PLCH1: variants seen among roughly 807,000 people sequenced by gnomAD.
The protein encoded by PLCH1 is phospholipase C eta 1, also known as 1-phosphatidylinositol 4,5-bisphosphate phosphodiesterase eta-1.
A neutral mutation model predicts 126.7 loss-of-function variants in PLCH1; 60 were observed. The observed-to-expected ratio is 0.47, with a 90% confidence interval of 0.38 to 0.59. The LOEUF (loss-of-function observed/expected upper bound fraction) is 0.59. Ranked by LOEUF, PLCH1 falls within the 20% of genes least tolerant of loss-of-function variation. PLCH1 has a pLI of 0.00. For synonymous variants in PLCH1, 719 were observed against 734.9 expected (o/e 0.98, Z 0.35); for missense variants, 1,723 against 2,040.0 (o/e 0.84, Z 2.99).
intron 10 of PLCH1, among the ~76,000 whole-genome samples, chr3:155,537,197 A>AC (rs1723491135): frequency 4.4e-5 from 2 of 45,184 alleles, no homozygotes; most frequent in African/African-American, 1.8e-4. Flanking sequence ...AAAAAAAAAA[A>AC]AAACCAAAAA....
At position 155,733,934 on chromosome 3, in the gene PLCH1, CATATATATATATATAT is replaced by C. The variant is rs35149793; in HGVS notation, c.-41+10890_-41+10905del. Among the ~76,000 whole-genome samples the C allele has an allele frequency of 6.4e-4, 63 of 98,170 alleles. 1 individual carries two copies. The highest frequency in any genetic ancestry group is 3.2e-3 in the South Asian group (9 of 2,852). The allele number at this position is 98,170 out of a possible 152,430, so 64.4% of individuals were successfully genotyped here. A position where few individuals can be genotyped will look rare whatever the true frequency, so the allele number is the denominator to read the frequency against. On this transcript the variant is annotated intron_variant, in intron 1 of 22. Coordinates refer to ENST00000460012, the MANE Select transcript of PLCH1 (RefSeq NM_014996.4). ...AACATACAAATGGCCAACAGGTATA[CATATATATATATATAT>C]ATATATATATATATATATATATATA...
At chr3:155,714,887 G>A (rs1025124071) in intron 1 of PLCH1, among the ~76,000 whole-genome samples, 3 of 152,088 alleles carry the variant, frequency 2.0e-5, no homozygotes, top group African/African-American at 4.8e-5. Flanking sequence ...CTTTTATATC[G>A]AAGTTATCAT....
intron 12 of PLCH1, among the ~76,000 whole-genome samples, chr3:155,506,046 G>T (rs543871282): frequency 6.6e-6 from 1 of 152,202 alleles, no homozygotes; most frequent in East Asian, 1.9e-4. Context: ...CAGGTATAAA[G>T]CACGGCTGTC....
intron 10 of PLCH1, among the ~76,000 whole-genome samples, chr3:155,536,850 A>C (rs1723420852): frequency 2.0e-5 from 3 of 152,142 alleles, no homozygotes; most frequent in African/African-American, 7.2e-5. Context: ...TCACAAAAAG[A>C]TCATCACCTA....
At chr3:155,474,389 A>G (rs1246093525) in intron 21 of PLCH1, among the ~76,000 whole-genome samples, 2 of 150,102 alleles carry the variant, frequency 1.3e-5, no homozygotes, top group Non-Finnish European at 2.9e-5. Flanking sequence ...ACTATCTCAC[A>G]CCAGTTAGAA....
At chr3:155,558,414 C>T (rs924289809) in intron 8 of PLCH1, among the ~76,000 whole-genome samples, 24 of 152,256 alleles carry the variant, frequency 1.6e-4, no homozygotes, top group South Asian at 1.2e-3. Context: ...CCTTTATCCT[C>T]GGGAGATAAA....
At chr3:155,461,961 T>C (rs1436441226) in intron 21 of PLCH1, among the ~76,000 whole-genome samples, 1 of 152,214 alleles carries the variant, frequency 6.6e-6, no homozygotes, top group African/African-American at 2.4e-5. Flanking sequence ...AGGACCACCC[T>C]TCTCACAATT....
intron 2 of PLCH1, among the ~76,000 whole-genome samples, chr3:155,636,806 T>C (rs974007820): frequency 2.0e-5 from 3 of 152,074 alleles, no homozygotes; most frequent in Non-Finnish European, 4.4e-5. Context: ...TGCAAACTAT[T>C]TGTGATGAGT....
At chr3:155,563,973 G>C (rs888180805) in intron 8 of PLCH1, among the ~76,000 whole-genome samples, 5 of 151,926 alleles carry the variant, frequency 3.3e-5, no homozygotes, top group Admixed American at 1.3e-4. Flanking sequence ...GTCTCACTGT[G>C]TTGCTCAGAC....
chr3:155,618,769 C>T (rs147942134), intron 2 of PLCH1, among the ~76,000 whole-genome samples: 1 of 152,292 alleles, frequency 6.6e-6, no homozygotes, highest in Non-Finnish European at 1.5e-5. Flanking sequence ...CCTCAGCTTC[C>T]TGAGGAGCTT....
At chr3:155,644,625 A>AATAAAAAT (rs1739796660) in intron 2 of PLCH1, among the ~76,000 whole-genome samples, 1 of 152,134 alleles carries the variant, frequency 6.6e-6, no homozygotes, top group Non-Finnish European at 1.5e-5. Flanking sequence ...AAATAAATAA[A>AATAAAAAT]ATAAAAATAA....
chr3:155,469,845 A>G (rs940245426), intron 21 of PLCH1, among the ~76,000 whole-genome samples: 3 of 152,260 alleles, frequency 2.0e-5, no homozygotes, highest in South Asian at 4.2e-4. Flanking sequence ...GGGTATTCCA[A>G]TAGACCTGCA....
rs207463920 is a variant in PLCH1, at chr3:155,676,114, C to T, written c.79+28032G>A. On this transcript the variant is annotated intron_variant, in intron 2 of 22. Coordinates refer to ENST00000460012, the MANE Select transcript of PLCH1 (RefSeq NM_014996.4). ...CTAAAGGCAAAGCCTTTTCCTGATACACATTTCCAAAAAGGGTGGGGGGAA... is the reference window on the plus strand; with the variant it reads ...CTAAAGGCAAAGCCTTTTCCTGATATACATTTCCAAAAAGGGTGGGGGGAA... 3.6e-6 allele frequency: 5 copies of T among 1,406,226 alleles called. No individual in the cohort carries two copies. The South Asian group carries it at 8.7e-5, about 24-fold the overall frequency. The allele number at this position is 1,406,226 out of a possible 1,614,324, so 87.1% of individuals were successfully genotyped here. A position where few individuals can be genotyped will look rare whatever the true frequency, so the allele number is the denominator to read the frequency against.
intron 2 of PLCH1, among the ~76,000 whole-genome samples, chr3:155,681,722 CAAACACATG>C (rs1744554222): frequency 6.6e-6 from 1 of 152,186 alleles, no homozygotes; most frequent in African/African-American, 2.4e-5. Context: ...TGTAGCTATG[CAAACACATG>C]AAACCTCAAC....
At position 155,492,814 on chromosome 3, in the gene PLCH1, T is replaced by C. The variant is rs768396746; in HGVS notation, c.2222A>G (p.Asn741Ser). The change falls in exon 18 of 23, where the codon AAC (asparagine) becomes AGC (serine). Residue 741 changes from asparagine to serine, a missense_variant. Physicochemically the swap from Asn to Ser is conservative, Grantham distance 46. Transcript: ENST00000460012. ...NPFSGDPLPA[N>S]PKKQLILKVI... ...TTTCAGGATGAGCTGCTTTTTGGGG[T>C]TGGCAGGAAGAGGGTCACCAGAGAA... The C allele has an allele frequency of 2.5e-6, 4 of 1,604,750 alleles. No individual in the cohort carries two copies. The highest frequency in any genetic ancestry group is 3.4e-6 in the Non-Finnish European group (4 of 1,176,082).
intron 1 of PLCH1, among the ~76,000 whole-genome samples, chr3:155,711,609 T>C (rs182676251): frequency 1.3e-5 from 2 of 152,284 alleles, no homozygotes; most frequent in East Asian, 3.9e-4. Context: ...CCTCTAGAAA[T>C]AGCACCCCAG....
At chr3:155,678,203 C>T (rs1744243189) in intron 2 of PLCH1, among the ~76,000 whole-genome samples, 1 of 152,112 alleles carries the variant, frequency 6.6e-6, no homozygotes, top group African/African-American at 2.4e-5. Flanking sequence ...GTTTTTCATC[C>T]CTCTCACCTC....
In PLCH1 at chr3:155,480,688, C is replaced by T. The variant is rs528052164; in HGVS notation, c.*280G>A. 1.8e-5 allele frequency: 6 copies of T among 330,374 alleles called. No homozygotes were observed. Among genetic ancestry groups the T allele is most frequent in the Admixed American group, 4.5e-5 (1 of 22,438 alleles). The allele number at this position is 330,374 out of a possible 1,614,324, so 20.5% of individuals were successfully genotyped here. ...GGTGAAACACACACACATTATAACC[C>T]GAGCTGCTGAGGAGTTTCACATCTA... On this transcript the variant is annotated 3_prime_UTR_variant, in exon 23 of 23. Coordinates refer to ENST00000460012, the MANE Select transcript of PLCH1 (RefSeq NM_014996.4).
At chr3:155,610,116 T>G (rs898037299) in intron 2 of PLCH1, among the ~76,000 whole-genome samples, 10 of 152,064 alleles carry the variant, frequency 6.6e-5, no homozygotes, top group African/African-American at 2.4e-4. Flanking sequence ...TCCCAGCACT[T>G]TAGAAGGCCA....
Sources: allele counts gnomAD v4.1 joint callset (sites outside exome capture counted in the v4.1 genomes callset), GRCh38; gene constraint gnomAD v4.1.1; transcripts MANE v1.5; gene names NCBI Gene and HGNC (gene_info 2026-07-23, HGNC 2026-07-21).